The following CDH13 variants were observed in gnomAD, a reference collection of about 807,000 sequenced individuals.
CDH13 encodes cadherin 13.
In CDH13, 24 loss-of-function variants were observed where a neutral mutation model predicts 63.8. That is an observed-to-expected ratio of 0.38 (90% CI 0.27 to 0.53). CDH13 has a LOEUF of 0.53. Ranked by LOEUF, CDH13 falls within the 20% of genes least tolerant of loss-of-function variation. CDH13 has a pLI of 0.85. For synonymous variants in CDH13, 503 were observed against 355.3 expected (o/e 1.42, Z -4.67); for missense variants, 1,049 against 903.1 (o/e 1.16, Z -2.07).
chr16:83,619,817 G>A (rs929925536), intron 8 of CDH13, among the ~76,000 whole-genome samples: 1 of 152,228 alleles, frequency 6.6e-6, no homozygotes, highest in Non-Finnish European at 1.5e-5. Flanking sequence ...AGGTCCTGAG[G>A]GTTCAGATTT....
chr16:83,298,704 G>C (rs2089660900), intron 5 of CDH13, among the ~76,000 whole-genome samples: 1 of 152,168 alleles, frequency 6.6e-6, no homozygotes, highest in Non-Finnish European at 1.5e-5. Flanking sequence ...ACTGGACTTG[G>C]AAAGGCCTAA....
At chr16:82,800,404 C>A (rs1424199274) in intron 1 of CDH13, among the ~76,000 whole-genome samples, 1 of 152,024 alleles carries the variant, frequency 6.6e-6, no homozygotes, top group Non-Finnish European at 1.5e-5. Flanking sequence ...GGAAGAGACC[C>A]CCTAGTGATA....
intron 5 of CDH13, among the ~76,000 whole-genome samples, chr16:83,227,525 CA>C (rs1196372189): frequency 6.6e-6 from 1 of 152,180 alleles, no homozygotes; most frequent in Non-Finnish European, 1.5e-5. Context: ...TGTCGTCATG[CA>C]ATGCTGGGAA....
rs148240498 is a variant in CDH13, at chr16:83,240,251, A to G, written c.636+22754A>G. 1.2e-3 allele frequency among the ~76,000 whole-genome samples: 176 copies of G among 152,220 alleles called. 3 individuals carry two copies. In the East Asian group the frequency reaches 0.032, roughly 28 times the overall value. On this transcript the variant is annotated intron_variant, in intron 5 of 13. Coordinates refer to ENST00000567109, the MANE Select transcript of CDH13 (RefSeq NM_001257.5). ...AAGATCCGGAGGTCAAAGTGGGCTT[A>G]GCATGTGTAGGGAACGTAGGCCTGG...
chr16:82,914,529 C>T (rs990900086), intron 2 of CDH13, among the ~76,000 whole-genome samples: 2 of 152,122 alleles, frequency 1.3e-5, no homozygotes, highest in Non-Finnish European at 2.9e-5. Context: ...CCTCTAAGGA[C>T]CCAGACACTC....
chr16:83,775,055 A>T (rs1915012351), intron 11 of CDH13, among the ~76,000 whole-genome samples: 2 of 151,886 alleles, frequency 1.3e-5, no homozygotes, highest in Non-Finnish European at 2.9e-5. Flanking sequence ...TTCATGGTTA[A>T]AATGAGAGCC....
intron 5 of CDH13, among the ~76,000 whole-genome samples, chr16:83,287,846 T>C (rs370315028): frequency 1.3e-5 from 2 of 152,168 alleles, no homozygotes; most frequent in East Asian, 1.9e-4. Context: ...TGATCAAGAG[T>C]GATAGCATTG....
intron 1 of CDH13, among the ~76,000 whole-genome samples, chr16:82,779,331 T>G (rs940438355): frequency 2.6e-5 from 4 of 152,166 alleles, no homozygotes; most frequent in African/African-American, 7.2e-5. Flanking sequence ...CAGTGCACTT[T>G]GCCACTTCAC....
intron 1 of CDH13, among the ~76,000 whole-genome samples, chr16:82,707,367 G>A (rs1351721141): frequency 1.3e-5 from 2 of 152,134 alleles, no homozygotes; most frequent in Non-Finnish European, 2.9e-5. Flanking sequence ...TTAACAACAG[G>A]TGCAATACAG....
intron 2 of CDH13, among the ~76,000 whole-genome samples, chr16:82,921,556 A>G (rs551892629): frequency 3.3e-4 from 50 of 152,248 alleles, no homozygotes; most frequent in African/African-American, 7.5e-4. Flanking sequence ...TTTTTTTCCA[A>G]TTCAGGTAGT....
At chr16:83,568,505 C>T (rs1904309674) in intron 7 of CDH13, among the ~76,000 whole-genome samples, 1 of 152,154 alleles carries the variant, frequency 6.6e-6, no homozygotes, top group Non-Finnish European at 1.5e-5. Context: ...ATTCTGAGCT[C>T]AGTTCACGTA....
intron 5 of CDH13, among the ~76,000 whole-genome samples, chr16:83,260,097 TACACACACACACACAC>T (rs61647390): frequency 3.6e-4 from 46 of 126,522 alleles, no homozygotes; most frequent in Admixed American, 1.6e-3. Context: ...GTACCCCCAA[TACACACACACACACAC>T]ACACACACAC....
intron 5 of CDH13, among the ~76,000 whole-genome samples, chr16:83,265,727 CTTTTTTTTTTTTT>C (rs71272416): frequency 1.7e-3 from 72 of 42,574 alleles, no homozygotes; most frequent in Admixed American, 2.2e-3. Flanking sequence ...TAAATTTCTG[CTTTTTTTTTTTTT>C]TTTTTTTTTT....
intron 1 of CDH13, among the ~76,000 whole-genome samples, chr16:82,748,031 C>T (rs2034254059): frequency 1.3e-5 from 2 of 152,194 alleles, no homozygotes; most frequent in Non-Finnish European, 2.9e-5. Flanking sequence ...TTCCCAGATA[C>T]AGAGAAATCC....
intron 3 of CDH13, among the ~76,000 whole-genome samples, chr16:83,111,205 A>G (rs147627618): frequency 6.6e-6 from 1 of 152,148 alleles, no homozygotes; most frequent in Non-Finnish European, 1.5e-5. Flanking sequence ...ATGGCAAGGA[A>G]TAAAATTTGC....
At chr16:83,390,731 T>G (rs949826794) in intron 6 of CDH13, among the ~76,000 whole-genome samples, 1 of 152,220 alleles carries the variant, frequency 6.6e-6, no homozygotes, top group South Asian at 2.1e-4. Context: ...GGTGCTCAGT[T>G]CAACCTTAGA....
At chr16:82,642,258 C>T (rs1301867013) in intron 1 of CDH13, among the ~76,000 whole-genome samples, 1 of 152,118 alleles carries the variant, frequency 6.6e-6, no homozygotes, top group East Asian at 1.9e-4. Context: ...TTGCATTTAA[C>T]TCAGAGGTTA....
At chr16:83,539,154 G>A (rs556850929) in intron 7 of CDH13, among the ~76,000 whole-genome samples, 18 of 152,226 alleles carry the variant, frequency 1.2e-4, no homozygotes, top group African/African-American at 3.6e-4. Context: ...ACCAGGGACC[G>A]GTTTTGTGGA....
intron 7 of CDH13, among the ~76,000 whole-genome samples, chr16:83,551,356 C>T (rs567801576): frequency 3.0e-4 from 41 of 136,868 alleles, no homozygotes; most frequent in African/African-American, 1.0e-3. Context: ...CATGAGTCAC[C>T]GCCCCTGGCT....
Sources: allele counts gnomAD v4.1 joint callset (sites outside exome capture counted in the v4.1 genomes callset), GRCh38; gene constraint gnomAD v4.1.1; transcripts MANE v1.5; gene names NCBI Gene and HGNC (gene_info 2026-07-23, HGNC 2026-07-21).